FTCD: variants seen among roughly 807,000 people sequenced by gnomAD.
FTCD encodes formimidoyltransferase cyclodeaminase, also known as formimidoyltransferase-cyclodeaminase.
In FTCD, 76 loss-of-function variants were observed where a neutral mutation model predicts 62.9. The ratio of observed to expected loss-of-function variants is 1.21; its 90% CI spans 1.00 to 1.46. The LOEUF (loss-of-function observed/expected upper bound fraction) is 1.46. Ranked by LOEUF, FTCD falls within the 40% of genes most tolerant of loss-of-function variation. FTCD has a pLI of 0.00. For synonymous variants in FTCD, 397 were observed against 336.9 expected (o/e 1.18, Z -1.95); for missense variants, 845 against 751.3 (o/e 1.12, Z -1.46).
At chr21:46,142,877 G>T (rs4819207) in intron 10 of FTCD, 1 of 152,026 alleles carries the variant, frequency 6.6e-6, no homozygotes, top group African/African-American at 2.4e-5. Flanking sequence ...TAGACACAGA[G>T]CACTGACTGG....
intron 10 of FTCD, chr21:46,142,646 T>C (rs61314705): frequency 0.26 from 38,960 of 152,016 alleles, 5,676 homozygotes; most frequent in East Asian, 0.43. Flanking sequence ...AGCAGCAAGA[T>C]TTAGTTCGAA....
rs1051451628 is a variant in FTCD at position 46,151,895 on chromosome 21, C to T, written c.453G>A (p.Lys151=). ...IRAGEYEALP[K]KLQQADWAPD... ...CGACCGCCCGGGGTGGGGGCACCTT[C>T]TTAGGGAGGGCCTCGTACTCCCCGG... is the stretch of plus-strand genomic sequence containing the variant. Residue 151 remains lysine (K), a synonymous_variant, in exon 4 of 14, where the codon AAG becomes AAA. Transcript: ENST00000397746. 22 of 1,562,300 alleles carry T rather than the reference C, an allele frequency of 1.4e-5. No homozygotes were observed. Among genetic ancestry groups the T allele is most frequent in the Admixed American group, 5.7e-5 (3 of 52,432 alleles).
chr21:46,145,601 G>A, intron 9 of FTCD, 23 bp from the exon 10 acceptor site: 1 of 1,522,234 alleles, frequency 6.6e-7, no homozygotes, highest in Non-Finnish European at 8.8e-7. Context: ...TGGATGTGGG[G>A]GTCGCAGGGA....
rs901335760 is a variant in FTCD at position 46,153,271 on chromosome 21, A to G, written c.239-236T>C. ...AAGTTCCCGCACCGTCCTCCCAGCC[A>G]GTGTGGGGGAGGTCCTTCAGCCCAG... On this transcript the variant is annotated intron_variant, in intron 2 of 13. Transcript: ENST00000397746. Among the ~76,000 whole-genome samples the G allele has an allele frequency of 1.7e-4, 26 of 152,174 alleles. 1 individual carries two copies. The highest frequency in any genetic ancestry group is 2.4e-4 in the African/African-American group (10 of 41,448).
rs763959573 is a variant in FTCD at position 46,154,269 on chromosome 21, C to T, written c.118G>A (p.Ala40Thr). ...ACGGTGCGGTTGGTGGAAGGGCCTG[C>T]GTCCACATCCAGCAGCACGCAGCCC... ...TPGCVLLDVD[A>T]GPSTNRTVYT... Residue 40 changes from alanine to threonine, a missense_variant, in exon 2 of 14, where the codon GCA (alanine) becomes ACA (threonine). Coordinates refer to ENST00000397746, the MANE Select transcript of FTCD (RefSeq NM_206965.2). 3.9e-5 allele frequency: 63 copies of T among 1,612,478 alleles called. No individual in the cohort carries two copies. Among genetic ancestry groups the T allele is most frequent in the South Asian group, 3.3e-5 (3 of 91,070 alleles).
Position 46,136,783 on chromosome 21 carries a change from G to C in FTCD, c.*204C>G, listed in dbSNP as rs552598619. 5 of 1,519,346 alleles carry C rather than the reference G, an allele frequency of 3.3e-6. No individual in the cohort carries two copies. Among genetic ancestry groups the C allele is most frequent in the Admixed American group, 4.2e-5 (2 of 47,714 alleles). The allele number at this position is 1,519,346 out of a possible 1,614,324, so 94.1% of individuals were successfully genotyped here. On this transcript the variant is annotated 3_prime_UTR_variant, in exon 14 of 14. Transcript: ENST00000397746. Reference sequence around the variant, plus strand: ...ACCGCCAACACACAACACAGGTTTGGTGCCAAAACTTTACTGGAGGTCACA... The same window carrying C: ...ACCGCCAACACACAACACAGGTTTGCTGCCAAAACTTTACTGGAGGTCACA...
intron 10 of FTCD, among the ~76,000 whole-genome samples, chr21:46,141,098 A>T (rs2078994768): frequency 6.6e-6 from 1 of 151,954 alleles, no homozygotes; most frequent in African/African-American, 2.4e-5. Flanking sequence ...TATTCACCTT[A>T]TTTTAAATTT....
chr21:46,149,974 G>A, intron 7 of FTCD, 145 bp downstream of exon 7: 1 of 842,658 alleles, frequency 1.2e-6, no homozygotes, highest in Non-Finnish European at 1.9e-6. Context: ...AATAAAAAGT[G>A]AAATCTCATC....
downstream of FTCD, chr21:46,136,499 C>T (rs2078870126): frequency 1.9e-6 from 3 of 1,612,314 alleles, no homozygotes; most frequent in East Asian, 4.5e-5. Context: ...GGGTTTCTGT[C>T]CCATGCACAG....
chr21:46,136,941 A>C lies in FTCD; in HGVS notation c.*46T>G. 6.2e-7 allele frequency: 1 copy of C among 1,612,002 alleles called. No individual in the cohort carries two copies. Among genetic ancestry groups the C allele is most frequent in the Non-Finnish European group, 8.5e-7 (1 of 1,179,672 alleles). On this transcript the variant is annotated 3_prime_UTR_variant, in exon 14 of 14. Transcript: ENST00000397746. Reference sequence around the variant, plus strand: ...GAGGTCACAGCTCTGCCCTCTGGGGATGGGCGAGGGAGGGGCCACAGAGCC... The same window carrying C: ...GAGGTCACAGCTCTGCCCTCTGGGGCTGGGCGAGGGAGGGGCCACAGAGCC...
chr21:46,154,063 C>G, intron 2 of FTCD, 86 bp downstream of exon 2: 2 of 1,425,012 alleles, frequency 1.4e-6, no homozygotes, highest in Admixed American at 1.7e-5. Context: ...GGGCCCCGGG[C>G]CTACCCCCTC....
In FTCD at chr21:46,145,825, G is replaced by C; in HGVS notation, c.1091C>G (p.Ala364Gly). Residue 364 changes from alanine (A) to glycine (G), a missense_variant, in exon 9 of 14, where the codon GCG becomes GGG. Ala to Gly is a moderately conservative substitution (Grantham distance 60). Coordinates refer to ENST00000397746, the MANE Select transcript of FTCD (RefSeq NM_206965.2). ...CCCTCCCCCCGCGCTCACCATGGCCGCAGCGGCCGCCGCCACCGAGCCGCC... is the reference window on the plus strand; with the variant it reads ...CCCTCCCCCCGCGCTCACCATGGCCCCAGCGGCCGCCGCCACCGAGCCGCC... ...PGGGSVAAAAAAMGAALGSMV... is the reference protein window; with the variant it reads ...PGGGSVAAAAGAMGAALGSMV... 1 of 659,066 alleles carries C rather than the reference G, an allele frequency of 1.5e-6. No homozygotes were observed. Among genetic ancestry groups the C allele is most frequent in the South Asian group, 4.2e-5 (1 of 23,992 alleles). 40.8% of individuals were successfully genotyped at this position (659,066 alleles called of 1,614,324 possible).
intron 2 of FTCD, among the ~76,000 whole-genome samples, chr21:46,153,694 C>A (rs1242218736): frequency 6.6e-6 from 1 of 152,256 alleles, no homozygotes; most frequent in Admixed American, 6.5e-5. Flanking sequence ...CACAGCCCAG[C>A]CCCTGGCCAG....
chr21:46,141,059 C>T (rs1383607924), intron 10 of FTCD, among the ~76,000 whole-genome samples: 3 of 152,230 alleles, frequency 2.0e-5, no homozygotes, highest in African/African-American at 7.2e-5. Flanking sequence ...ACATTTTCAT[C>T]TATGTACTTT....
At chr21:46,149,005 G>A (rs2079208419) in intron 7 of FTCD, among the ~76,000 whole-genome samples, 1 of 152,154 alleles carries the variant, frequency 6.6e-6, no homozygotes, top group Non-Finnish European at 1.5e-5. Context: ...TAAATTAGGG[G>A]TAAAAGAGTA....
intron 7 of FTCD, among the ~76,000 whole-genome samples, chr21:46,148,016 A>G (rs577268349): frequency 6.6e-6 from 1 of 152,164 alleles, no homozygotes; most frequent in South Asian, 2.1e-4. Context: ...ATAAGAAGAC[A>G]AGGAAATGTG....
At chr21:46,144,371 CCTCTCTCCCT>C (rs1281864308) in intron 10 of FTCD, among the ~76,000 whole-genome samples, 4 of 141,706 alleles carry the variant, frequency 2.8e-5, no homozygotes, top group East Asian at 2.1e-4. Flanking sequence ...ACCTCTCTCC[CCTCTCTCCCT>C]CTCTCTCCCT....
intron 1 of FTCD, 127 bp from the exon 2 acceptor site, chr21:46,154,459 T>C: frequency 8.5e-7 from 1 of 1,172,636 alleles, no homozygotes; most frequent in Non-Finnish European, 1.2e-6. Context: ...TTGGGGGCTC[T>C]CCGACAAGCT....
chr21:46,145,186 A>C (rs1315731867), intron 10 of FTCD, among the ~76,000 whole-genome samples: 1 of 152,130 alleles, frequency 6.6e-6, no homozygotes, highest in East Asian at 1.9e-4. Context: ...ATGGCCTGTG[A>C]ATGTGGGGTC....
Sources: allele counts gnomAD v4.1 joint callset (sites outside exome capture counted in the v4.1 genomes callset), GRCh38; gene constraint gnomAD v4.1.1; transcripts MANE v1.5; gene names NCBI Gene and HGNC (gene_info 2026-07-23, HGNC 2026-07-21).